ERC2: variants seen among roughly 807,000 people sequenced by gnomAD.
ERC2 encodes ELKS/RAB6-interacting/CAST family member 2.
A neutral mutation model predicts 114.8 loss-of-function variants in ERC2; 42 were observed. The ratio of observed to expected loss-of-function variants is 0.37; its 90% CI spans 0.29 to 0.47. ERC2 has a LOEUF of 0.47. ERC2 is among the 20% of genes least tolerant of loss of function. ERC2 has a pLI of 0.99. For synonymous variants in ERC2, 454 were observed against 425.5 expected, an observed-to-expected ratio of 1.07 and a Z score of -0.82; for missense variants, 939 against 1,150.7, an observed-to-expected ratio of 0.82 and a Z score of 2.66.
intron 17 of ERC2, among the ~76,000 whole-genome samples, chr3:55,572,836 GC>G (rs1437631759): frequency 2.0e-5 from 3 of 152,184 alleles, no homozygotes. Flanking sequence ...TGAGGCAGTT[GC>G]CCCCAGATGA....
chr3:55,932,742 T>C (rs1019285039), intron 13 of ERC2, among the ~76,000 whole-genome samples: 1 of 152,276 alleles, frequency 6.6e-6, no homozygotes, highest in Non-Finnish European at 1.5e-5. Context: ...CTTCCAAAAG[T>C]AACAGATGAC....
chr3:56,021,643 T>G (rs888161235), intron 7 of ERC2, among the ~76,000 whole-genome samples: 6 of 151,876 alleles, frequency 4.0e-5, no homozygotes, highest in African/African-American at 1.5e-4. Flanking sequence ...GTCAAGGGGG[T>G]TTGTTGTACA....
At chr3:55,722,045 T>G (rs2064592172) in intron 15 of ERC2, among the ~76,000 whole-genome samples, 1 of 152,046 alleles carries the variant, frequency 6.6e-6, no homozygotes, top group South Asian at 2.1e-4. Context: ...TTCTTGTGGG[T>G]TTTCACTGTT....
intron 6 of ERC2, among the ~76,000 whole-genome samples, chr3:56,137,900 C>T (rs752207291): frequency 1.5e-4 from 23 of 152,204 alleles, no homozygotes; most frequent in Non-Finnish European, 2.6e-4. Context: ...AGTGTTAACA[C>T]ACAATTCTAG....
intron 4 of ERC2, among the ~76,000 whole-genome samples, chr3:56,166,960 A>G (rs2082352508): frequency 6.6e-6 from 1 of 152,042 alleles, no homozygotes; most frequent in Non-Finnish European, 1.5e-5. Flanking sequence ...GCGATCTACC[A>G]CACCTTTTAA....
intron 17 of ERC2, among the ~76,000 whole-genome samples, chr3:55,582,052 C>G (rs1349519565): frequency 6.6e-6 from 1 of 152,164 alleles, no homozygotes; most frequent in Admixed American, 6.5e-5. Context: ...ACAAGCTGTT[C>G]CCCCTGTCTG....
intron 14 of ERC2, among the ~76,000 whole-genome samples, chr3:55,877,127 T>G (rs112689185): frequency 9.2e-5 from 14 of 152,302 alleles, no homozygotes; most frequent in African/African-American, 3.1e-4. Flanking sequence ...TCAGTACCAC[T>G]GGTATTTTGG....
intron 9 of ERC2, among the ~76,000 whole-genome samples, 186 bp from the exon 10 acceptor site, chr3:56,007,507 G>A (rs1006644616): frequency 2.0e-5 from 3 of 152,086 alleles, no homozygotes; most frequent in Admixed American, 1.3e-4. Context: ...CTTACAGAAC[G>A]AGTAGGATCT....
Position 55,879,943 on chromosome 3 carries a change from T to C in ERC2, c.2564+8446A>G, listed in dbSNP as rs112191009. ...AGCTCCACCAACAGGAGGATTTTTGTTCATAGAGTCCTTTCTGTTCACTAA... is the reference window on the plus strand; with the variant it reads ...AGCTCCACCAACAGGAGGATTTTTGCTCATAGAGTCCTTTCTGTTCACTAA... On this transcript the variant is annotated intron_variant, in intron 14 of 17. Transcript: ENST00000288221. Among the ~76,000 whole-genome samples, 1,100 of 152,352 alleles carry C rather than the reference T, an allele frequency of 7.2e-3. 10 individuals are homozygous for C. Among genetic ancestry groups the C allele is most frequent in the African/African-American group, 0.025 (1,036 of 41,582 alleles).
chr3:56,464,734 A>T (rs2063464762), intron 1 of ERC2, among the ~76,000 whole-genome samples: 2 of 152,180 alleles, frequency 1.3e-5, no homozygotes, highest in African/African-American at 2.4e-5. Context: ...TGTGCTTTCC[A>T]TTCATCCTAT....
intron 3 of ERC2, among the ~76,000 whole-genome samples, chr3:56,288,257 TGATGA>T (rs2054853638): frequency 6.6e-6 from 1 of 152,126 alleles, no homozygotes; most frequent in Non-Finnish European, 1.5e-5. Flanking sequence ...TCACAAATGA[TGATGA>T]TGATAAATTA....
intron 3 of ERC2, among the ~76,000 whole-genome samples, chr3:56,228,655 T>TATGCAC (rs1372089996): frequency 2.0e-5 from 3 of 152,248 alleles, no homozygotes; most frequent in Non-Finnish European, 2.9e-5. Context: ...ATATTGCTGC[T>TATGCAC]ATGCACATGG....
At chr3:56,413,793 A>G (rs1217262119) in intron 2 of ERC2, among the ~76,000 whole-genome samples, 1 of 152,210 alleles carries the variant, frequency 6.6e-6, no homozygotes, top group Non-Finnish European at 1.5e-5. Context: ...GAAGAATAAC[A>G]AGAACATGAA....
intron 16 of ERC2, among the ~76,000 whole-genome samples, chr3:55,686,908 T>C (rs2062363555): frequency 6.6e-6 from 1 of 152,190 alleles, no homozygotes; most frequent in Admixed American, 6.5e-5. Flanking sequence ...CTTTTGTTCA[T>C]CTGGGGATGG....
chr3:55,933,788 AC>A (rs1406908510), intron 13 of ERC2, among the ~76,000 whole-genome samples: 6 of 152,100 alleles, frequency 3.9e-5, no homozygotes, highest in Non-Finnish European at 8.8e-5. Flanking sequence ...CCCTTTGCCC[AC>A]CTCCAGTGCG....
chr3:55,603,497 TGG>T (rs1491032023), intron 17 of ERC2, among the ~76,000 whole-genome samples: 1 of 151,392 alleles, frequency 6.6e-6, no homozygotes, highest in East Asian at 2.0e-4. Flanking sequence ...CCAGGCGTGG[TGG>T]TGGACGCCTG....
At chr3:56,239,095 A>C (rs2051150919) in intron 3 of ERC2, among the ~76,000 whole-genome samples, 1 of 152,124 alleles carries the variant, frequency 6.6e-6, no homozygotes, top group Non-Finnish European at 1.5e-5. Flanking sequence ...AGTTTATCAC[A>C]CTCTAATGAT....
chr3:55,704,411 T>C (rs564137724), intron 15 of ERC2, among the ~76,000 whole-genome samples: 7 of 152,362 alleles, frequency 4.6e-5, no homozygotes, highest in Admixed American at 2.0e-4. Context: ...TCTGTTGCTA[T>C]GGGATATGGA....
chr3:56,208,235 C>T (rs144172771), intron 3 of ERC2, among the ~76,000 whole-genome samples: 236 of 152,322 alleles, frequency 1.5e-3, no homozygotes, highest in African/African-American at 5.2e-3. Context: ...TGTCATAGGG[C>T]TGCCACCAAT....
Sources: gnomAD v4.1 joint callset for allele counts (sites outside exome capture counted in the v4.1 genomes callset) on GRCh38, gnomAD v4.1.1 for gene constraint, MANE v1.5 for transcripts, NCBI Gene and HGNC (gene_info 2026-07-23, HGNC 2026-07-21) for gene names.